Variants in AGTPBP1 observed in about 807,000 individuals in gnomAD.
The protein encoded by AGTPBP1 is cytosolic carboxypeptidase 1.
A neutral mutation model predicts 143.9 loss-of-function variants in AGTPBP1; 70 were observed. That is an observed-to-expected ratio of 0.49 (90% CI 0.40 to 0.59). AGTPBP1 has a LOEUF of 0.59. AGTPBP1 is among the 20% of genes least tolerant of loss of function. AGTPBP1 has a pLI of 0.00. For missense variants in AGTPBP1, 1,229 were observed against 1,464.5 expected (o/e 0.84, Z 2.62); for synonymous variants, 463 against 500.2 (o/e 0.93, Z 0.99).
intron 1 of AGTPBP1, among the ~76,000 whole-genome samples, chr9:85,727,047 C>A (rs1838539667): frequency 6.6e-6 from 1 of 152,100 alleles, no homozygotes; most frequent in African/African-American, 2.4e-5. Context: ...CTCCAAAATT[C>A]GGCCGGGTGT....
chr9:85,691,729 C>T (rs1326168448), intron 3 of AGTPBP1, among the ~76,000 whole-genome samples: 1 of 151,930 alleles, frequency 6.6e-6, no homozygotes, highest in Non-Finnish European at 1.5e-5. Flanking sequence ...TTCATATTTC[C>T]ACGTACAGAC....
chr9:85,655,396 G>C lies in AGTPBP1; in HGVS notation c.910-76C>G, dbSNP rs2133933797. ...AACCAATTTTACTTTAGTTCAAAAA[G>C]TGTCATACATTAATAATTTTCTAGA... On this transcript the variant is annotated intron_variant, in intron 10 of 25. Coordinates refer to ENST00000357081, the MANE Select transcript of AGTPBP1 (RefSeq NM_001330701.2). 3.3e-6 allele frequency: 4 copies of C among 1,214,034 alleles called. No individual in the cohort carries two copies. The South Asian group carries it at 5.3e-5, about 16-fold the overall frequency. 75.2% of individuals were successfully genotyped at this position (1,214,034 alleles called of 1,614,324 possible).
intron 18 of AGTPBP1, among the ~76,000 whole-genome samples, chr9:85,594,603 A>G (rs1396451148): frequency 1.3e-5 from 2 of 152,148 alleles, no homozygotes; most frequent in African/African-American, 4.8e-5. Context: ...AAAAAAATTA[A>G]AATTTAAATA....
chr9:85,573,662 AGCCTCTTCCCGGCC>A (rs1045156105), intron 25 of AGTPBP1, among the ~76,000 whole-genome samples: 1 of 148,106 alleles, frequency 6.8e-6, no homozygotes, highest in Non-Finnish European at 1.5e-5. Flanking sequence ...AAGTGAGGAG[AGCCTCTTCCCGGCC>A]GCCATCCCAT....
chr9:85,689,156 T>C (rs1168620103), intron 3 of AGTPBP1, among the ~76,000 whole-genome samples: 2 of 152,170 alleles, frequency 1.3e-5, no homozygotes, highest in African/African-American at 4.8e-5. Context: ...TTTTTTTCAA[T>C]GTCTACAATA....
chr9:85,701,845 G>A (rs1367631796), intron 2 of AGTPBP1, among the ~76,000 whole-genome samples: 1 of 152,152 alleles, frequency 6.6e-6, no homozygotes, highest in East Asian at 1.9e-4. Context: ...TGTTTCACCT[G>A]TTTCCAAAGG....
chr9:85,560,951 A>C (rs1411682980), intron 25 of AGTPBP1, among the ~76,000 whole-genome samples: 1 of 152,206 alleles, frequency 6.6e-6, no homozygotes, highest in Non-Finnish European at 1.5e-5. Flanking sequence ...AACTGATAGA[A>C]GACATGAAGC....
At chr9:85,579,306 C>T (rs1828090804) in intron 23 of AGTPBP1, among the ~76,000 whole-genome samples, 2 of 151,798 alleles carry the variant, frequency 1.3e-5, no homozygotes, top group Admixed American at 6.6e-5. Flanking sequence ...TATCCAGTTA[C>T]AAAACAATGG....
At chr9:85,697,068 T>A (rs184290186) in intron 2 of AGTPBP1, among the ~76,000 whole-genome samples, 2 of 152,186 alleles carry the variant, frequency 1.3e-5, no homozygotes, top group African/African-American at 2.4e-5. Flanking sequence ...TCCTCCACCA[T>A]AAATCAAAGG....
At chr9:85,757,118 G>C in the AGTPBP1 span, among the ~76,000 whole-genome samples, 1 of 152,132 alleles carries the variant, frequency 6.6e-6, no homozygotes, top group Non-Finnish European at 1.5e-5. Context: ...TGAGACTGGA[G>C]TGCAGTGGCG....
chr9:85,581,402 C>T (rs988613287), intron 23 of AGTPBP1, among the ~76,000 whole-genome samples: 1 of 152,216 alleles, frequency 6.6e-6, no homozygotes, highest in Non-Finnish European at 1.5e-5. Flanking sequence ...TCCCTACCTA[C>T]ATCACAGAGC....
intron 1 of AGTPBP1, among the ~76,000 whole-genome samples, chr9:85,734,688 A>C (rs1839121490): frequency 6.6e-6 from 1 of 152,186 alleles, no homozygotes; most frequent in South Asian, 2.1e-4. Flanking sequence ...ACTATGAAAA[A>C]CAGTATGAAG....
intron 17 of AGTPBP1, among the ~76,000 whole-genome samples, chr9:85,606,115 C>A (rs1430383895): frequency 1.3e-5 from 2 of 151,928 alleles, no homozygotes; most frequent in East Asian, 3.9e-4. Context: ...GAAGAAACAA[C>A]CTGTCGAATG....
chr9:85,692,940 C>T (rs1835976218), intron 2 of AGTPBP1, 127 bp from the exon 3 acceptor site: 1 of 1,041,186 alleles, frequency 9.6e-7, no homozygotes, highest in African/African-American at 1.6e-5. Context: ...GTCGCACTTC[C>T]TTACTCTGTT....
At chr9:85,567,659 CAT>C (rs891708765) in intron 25 of AGTPBP1, among the ~76,000 whole-genome samples, 49 of 152,016 alleles carry the variant, frequency 3.2e-4, no homozygotes, top group African/African-American at 1.2e-3. Context: ...ATGAGAAATA[CAT>C]AGTCATTAAA....
In AGTPBP1 at chr9:85,570,193, A is replaced by C. The variant is rs146862512; in HGVS notation, c.3503+5122T>G. On this transcript the variant is annotated intron_variant, in intron 25 of 25. Transcript: ENST00000357081. Reference sequence around the variant, plus strand: ...CTATGCTGGACAAAAACAATGACTCATGTCCCAGGTGGAATGGAGTGGGAT... The same window carrying C: ...CTATGCTGGACAAAAACAATGACTCCTGTCCCAGGTGGAATGGAGTGGGAT... Among the ~76,000 whole-genome samples, 9 of 152,324 alleles carry C rather than the reference A, an allele frequency of 5.9e-5. 1 individual carries two copies. The East Asian group carries it at 1.7e-3, about 29-fold the overall frequency.
intron 1 of AGTPBP1, among the ~76,000 whole-genome samples, chr9:85,728,681 T>C (rs1033087743): frequency 1.3e-5 from 2 of 152,090 alleles, no homozygotes; most frequent in Admixed American, 1.3e-4. Context: ...TTTTATTGTA[T>C]ATGTTAAAGC....
At position 85,633,070 on chromosome 9, in the gene AGTPBP1, C is replaced by T. The variant is rs7341749; in HGVS notation, c.1607G>A (p.Arg536Gln). 141 of 1,614,024 alleles carry T rather than the reference C, an allele frequency of 8.7e-5. No homozygotes were observed. The highest frequency in any genetic ancestry group is 9.9e-5 in the Non-Finnish European group (117 of 1,180,030). ...AGAAGGAATATTCTGCAATGTAATT[C>T]GGTCCAAGGCCTTTACAATATCATT... ...LNNDIVKALDRITLQNIPSQT... is the reference protein window; with the variant it reads ...LNNDIVKALDQITLQNIPSQT... Residue 536 changes from arginine to glutamine, a missense_variant, in exon 14 of 26, where the codon CGA becomes CAA. Transcript: ENST00000357081.
chr9:85,554,866 T>C (rs1345981058), intron 25 of AGTPBP1, among the ~76,000 whole-genome samples: 1 of 152,178 alleles, frequency 6.6e-6, no homozygotes, highest in African/African-American at 2.4e-5. Flanking sequence ...TCACCATCTA[T>C]TAATCTATTT....
Sources: gnomAD v4.1 joint callset for allele counts (sites outside exome capture counted in the v4.1 genomes callset) on GRCh38, gnomAD v4.1.1 for gene constraint, MANE v1.5 for transcripts, NCBI Gene and HGNC (gene_info 2026-07-23, HGNC 2026-07-21) for gene names.